The following GRIK1 variants were observed in gnomAD, a reference collection of about 807,000 sequenced individuals.
GRIK1 encodes glutamate receptor ionotropic, kainate 1.
Under a neutral mutation model 105.7 loss-of-function variants are expected in GRIK1, and 69 were observed. That is an observed-to-expected ratio of 0.65 (90% CI 0.54 to 0.80). The LOEUF (loss-of-function observed/expected upper bound fraction) is 0.80. Ranked by LOEUF, GRIK1 falls within the 30% of genes least tolerant of loss-of-function variation. GRIK1 has a pLI of 0.00. For missense variants in GRIK1, 1,109 were observed against 1,167.3 expected, an observed-to-expected ratio of 0.95 and a Z score of 0.73; for synonymous variants, 438 against 431.3, an observed-to-expected ratio of 1.02 and a Z score of -0.19.
intron 13 of GRIK1, among the ~76,000 whole-genome samples, chr21:29,581,115 GAGA>G (rs1327896244): frequency 2.0e-5 from 3 of 152,120 alleles, no homozygotes; most frequent in African/African-American, 7.2e-5. Flanking sequence ...GGCTGAGAAG[GAGA>G]AGACCAACAT....
intron 1 of GRIK1, among the ~76,000 whole-genome samples, chr21:29,935,897 A>G (rs1225569715): frequency 1.3e-5 from 2 of 152,164 alleles, no homozygotes; most frequent in Non-Finnish European, 2.9e-5. Context: ...AACTGTTAAG[A>G]CCCTGTTTAG....
intron 1 of GRIK1, among the ~76,000 whole-genome samples, chr21:29,802,565 C>T (rs1421990044): frequency 6.6e-6 from 1 of 152,112 alleles, no homozygotes; most frequent in Non-Finnish European, 1.5e-5. Flanking sequence ...TTCTGTCCTC[C>T]AAATTGATTC....
intron 14 of GRIK1, among the ~76,000 whole-genome samples, chr21:29,562,098 A>T (rs363492): frequency 6.6e-6 from 1 of 152,168 alleles, no homozygotes; most frequent in Non-Finnish European, 1.5e-5. Context: ...ATTGTGGCCC[A>T]CTGGGCTAAG....
At chr21:29,584,111 C>T (rs1297544278) in intron 12 of GRIK1, among the ~76,000 whole-genome samples, 2 of 152,176 alleles carry the variant, frequency 1.3e-5, no homozygotes, top group Non-Finnish European at 2.9e-5. Flanking sequence ...GCCTGGCTTA[C>T]ACTTGAAGAT....
chr21:29,635,963 A>G (rs2062390715), intron 7 of GRIK1, among the ~76,000 whole-genome samples: 1 of 152,196 alleles, frequency 6.6e-6, no homozygotes, highest in Admixed American at 6.5e-5. Flanking sequence ...TGCTTCAAGA[A>G]AAAGAATTAG....
chr21:29,709,374 G>A (rs990617248), intron 1 of GRIK1, among the ~76,000 whole-genome samples: 8 of 148,502 alleles, frequency 5.4e-5, no homozygotes, highest in South Asian at 2.1e-4. Context: ...TCCGTCTCCC[G>A]GGCTCAAGCA....
At chr21:29,719,089 T>TATATATGTATATACAC (rs1382564789) in intron 1 of GRIK1, among the ~76,000 whole-genome samples, 11 of 148,768 alleles carry the variant, frequency 7.4e-5, no homozygotes, top group Admixed American at 1.3e-4. Flanking sequence ...TACATATATA[T>TATATATGTATATACAC]ATATATATAT....
chr21:29,612,177 G>A (rs1002214658), intron 7 of GRIK1, among the ~76,000 whole-genome samples: 13 of 152,270 alleles, frequency 8.5e-5, no homozygotes, highest in African/African-American at 2.6e-4. Context: ...TTTGCCATCA[G>A]GGTTTAGAGT....
At chr21:29,905,715 C>G (rs2070604380) in intron 1 of GRIK1, among the ~76,000 whole-genome samples, 1 of 140,902 alleles carries the variant, frequency 7.1e-6, no homozygotes, top group Non-Finnish European at 1.5e-5. Context: ...CAAGCTCCGC[C>G]TCCCAGGTTC....
intron 1 of GRIK1, among the ~76,000 whole-genome samples, chr21:29,755,891 TTA>T (rs1392382351): frequency 6.6e-6 from 1 of 152,210 alleles, no homozygotes; most frequent in African/African-American, 2.4e-5. Context: ...GGATAACATT[TTA>T]CCAGGAGCTG....
At chr21:29,644,453 A>C (rs2062576957) in intron 6 of GRIK1, among the ~76,000 whole-genome samples, 1 of 152,224 alleles carries the variant, frequency 6.6e-6, no homozygotes, top group South Asian at 2.1e-4. Context: ...AATGACATTT[A>C]TTTTTGTGAG....
At chr21:29,844,646 T>C (rs73343717) in intron 1 of GRIK1, among the ~76,000 whole-genome samples, 3,734 of 152,328 alleles carry the variant, frequency 0.025, 170 homozygotes, top group African/African-American at 0.086. Flanking sequence ...AACTTTAGAC[T>C]ATATTCCTGG....
intron 1 of GRIK1, among the ~76,000 whole-genome samples, chr21:29,788,643 G>A (rs183953893): frequency 3.7e-4 from 57 of 152,184 alleles, no homozygotes; most frequent in Non-Finnish European, 5.3e-4. Context: ...TTATTATTAC[G>A]TTGTAATATA....
intron 7 of GRIK1, among the ~76,000 whole-genome samples, chr21:29,634,352 T>C (rs942927976): frequency 6.6e-6 from 1 of 152,262 alleles, no homozygotes; most frequent in Non-Finnish European, 1.5e-5. Context: ...CCATATTTCA[T>C]ATACCTCTCA....
intron 1 of GRIK1, among the ~76,000 whole-genome samples, chr21:29,837,871 C>CA (rs1399750979): frequency 2.6e-5 from 4 of 152,166 alleles, no homozygotes; most frequent in Non-Finnish European, 4.4e-5. Flanking sequence ...GGAGAAGCCC[C>CA]CAGTATTCTA....
At chr21:29,822,801 T>C (rs894322237) in intron 1 of GRIK1, among the ~76,000 whole-genome samples, 2 of 152,038 alleles carry the variant, frequency 1.3e-5, no homozygotes, top group African/African-American at 4.8e-5. Context: ...AGACTTCTTT[T>C]ATATGCAAGA....
intron 1 of GRIK1, among the ~76,000 whole-genome samples, chr21:29,918,206 A>AATTT (rs1294715388): frequency 6.6e-6 from 1 of 152,106 alleles, no homozygotes; most frequent in African/African-American, 2.4e-5. Flanking sequence ...TAAAAATCCA[A>AATTT]ATTTATTTAT....
intron 1 of GRIK1, among the ~76,000 whole-genome samples, chr21:29,885,451 A>C (rs974239773): frequency 6.6e-6 from 1 of 152,100 alleles, no homozygotes; most frequent in African/African-American, 2.4e-5. Context: ...TCTGCAAAAA[A>C]ATCTTGTGAT....
At chr21:29,583,336 C>G (rs1432092947) in intron 12 of GRIK1, among the ~76,000 whole-genome samples, 1 of 152,140 alleles carries the variant, frequency 6.6e-6, no homozygotes, top group Non-Finnish European at 1.5e-5. Context: ...TTAATGGAAA[C>G]AGCATGCAGA....
Sources: gnomAD v4.1 joint callset for allele counts (sites outside exome capture counted in the v4.1 genomes callset) on GRCh38, gnomAD v4.1.1 for gene constraint, MANE v1.5 for transcripts, NCBI Gene and HGNC (gene_info 2026-07-23, HGNC 2026-07-21) for gene names.